Variants in SF3B3 observed in about 807,000 individuals in gnomAD.
SF3B3 encodes the protein SAP 130.
Under a neutral mutation model 139.2 loss-of-function variants are expected in SF3B3, and 33 were observed. The observed-to-expected ratio is 0.24, with a 90% CI of 0.18 to 0.32. The LOEUF (loss-of-function observed/expected upper bound fraction) is 0.32, where lower values mean the gene tolerates loss of function less well. Among genes scored for constraint, SF3B3 ranks in the 10% least tolerant of loss-of-function variants. The probability of loss-of-function intolerance (pLI) is 1.00; values close to 1 mark genes in which losing one functional copy is unlikely to be tolerated. For synonymous variants in SF3B3, 596 were observed against 563.6 expected (o/e 1.06, Z -0.81); for missense variants, 818 against 1,509.4 (o/e 0.54, Z 7.59).
intron 3 of SF3B3, 164 bp downstream of exon 3, chr16:70,529,363 C>T: frequency 1.7e-6 from 1 of 593,790 alleles, no homozygotes; most frequent in South Asian, 2.3e-5. Flanking sequence ...GTTGCATTTT[C>T]TTTTAAAACA....
intron 24 of SF3B3, 39 bp from the exon 25 acceptor site, chr16:70,571,056 A>G: frequency 7.0e-7 from 1 of 1,422,498 alleles, no homozygotes; most frequent in Non-Finnish European, 9.9e-7. Context: ...ACTAGTTGAA[A>G]TCACTTCTCA....
In SF3B3 at chr16:70,523,915, C is replaced by G. The variant is rs1216398002; in HGVS notation, c.-84C>G. 8.6e-6 allele frequency: 4 copies of G among 463,344 alleles called. No homozygotes were observed. The highest frequency in any genetic ancestry group is 3.9e-5 in the Admixed American group (1 of 25,354). 28.7% of individuals were successfully genotyped at this position (463,344 alleles called of 1,614,324 possible). ...GCATCCGTTGGATATCCACACCATCCTTCTCGCTGCAGGGTAAAAAAACAG... is the reference window on the plus strand; with the variant it reads ...GCATCCGTTGGATATCCACACCATCGTTCTCGCTGCAGGGTAAAAAAACAG... On this transcript the variant is annotated 5_prime_UTR_variant, in exon 1 of 26. Coordinates refer to ENST00000302516, the MANE Select transcript of SF3B3 (RefSeq NM_012426.5).
At chr16:70,539,259 C>A in intron 8 of SF3B3, 52 bp downstream of exon 8, 1 of 1,359,414 alleles carries the variant, frequency 7.4e-7, no homozygotes, top group Non-Finnish European at 1.1e-6. Flanking sequence ...TAAAAGTTGG[C>A]AGCAGAAGCT....
At chr16:70,547,708 C>T (rs11867016) in intron 10 of SF3B3, among the ~76,000 whole-genome samples, 1 of 152,254 alleles carries the variant, frequency 6.6e-6, no homozygotes, top group Admixed American at 6.5e-5. Flanking sequence ...ATTCTCCCGC[C>T]TCAGCCTCCC....
intron 6 of SF3B3, chr16:70,538,081 A>G (rs1192373484): frequency 4.5e-6 from 3 of 672,346 alleles, no homozygotes; most frequent in South Asian, 4.1e-5. Context: ...TTTTTGCCTT[A>G]TGAATCTGAT....
At chr16:70,550,885 G>A (rs377752785) in intron 11 of SF3B3, among the ~76,000 whole-genome samples, 23 of 152,334 alleles carry the variant, frequency 1.5e-4, no homozygotes, top group African/African-American at 4.6e-4. Flanking sequence ...TCCTCCCACA[G>A]AATTTGTCAT....
chr16:70,548,674 C>T (rs1256271659), intron 11 of SF3B3, among the ~76,000 whole-genome samples: 1 of 152,138 alleles, frequency 6.6e-6, no homozygotes, highest in East Asian at 1.9e-4. Context: ...TATTTTAGTA[C>T]ATAAAGGTTT....
intron 14 of SF3B3, chr16:70,556,604 T>G (rs2050381621): frequency 1.7e-6 from 1 of 597,416 alleles, no homozygotes; most frequent in Admixed American, 3.0e-5. Context: ...CTGCATAAAT[T>G]TGACTTGCTG....
At chr16:70,566,435 G>A (rs1245124491) in intron 20 of SF3B3, among the ~76,000 whole-genome samples, 1 of 151,312 alleles carries the variant, frequency 6.6e-6, no homozygotes, top group Non-Finnish European at 1.5e-5. Context: ...GGTGGTGGGC[G>A]CCTGTAACCC....
At chr16:70,539,053 C>A in intron 7 of SF3B3, 51 bp from the exon 8 acceptor site, 1 of 1,265,330 alleles carries the variant, frequency 7.9e-7, no homozygotes, top group Non-Finnish European at 1.2e-6. Context: ...TCTTATAATA[C>A]GGGGCTCACT....
intron 20 of SF3B3, chr16:70,565,756 A>G (rs150768503): frequency 1.0e-5 from 5 of 490,896 alleles, no homozygotes; most frequent in African/African-American, 3.8e-5. Context: ...TGCACATTCA[A>G]TTGGTCTCTT....
chr16:70,528,610 C>A (rs1478843514), intron 2 of SF3B3, among the ~76,000 whole-genome samples: 1 of 151,896 alleles, frequency 6.6e-6, no homozygotes, highest in Non-Finnish European at 1.5e-5. Flanking sequence ...GAGGCACAGG[C>A]CATCACACCT....
In SF3B3 at chr16:70,575,972, T is replaced by G. The variant is rs1167477471; in HGVS notation, c.*4159T>G. ...GGTTCATGCCTGGTAATCCCAGCAC[T>G]TTGGGCGGCCAGAGGCAGGCAGATT... On this transcript the variant is annotated 3_prime_UTR_variant, in exon 26 of 26. Coordinates refer to ENST00000302516, the MANE Select transcript of SF3B3 (RefSeq NM_012426.5). The G allele has an allele frequency of 6.6e-6, 1 of 152,214 alleles. No individual in the cohort carries two copies. Among genetic ancestry groups the G allele is most frequent in the Admixed American group, 6.5e-5 (1 of 15,276 alleles). 9.4% of individuals were successfully genotyped at this position (152,214 alleles called of 1,614,324 possible).
In SF3B3 at chr16:70,532,357, C is replaced by CAAAAAAAA. The variant is rs10524385; in HGVS notation, c.571-119_571-112dup. ...GTGACATAGTGAGAACCTGTCTCTC[C>CAAAAAAAA]AAAAAAAAAAGAAGACATTTGTGGA... is the stretch of plus-strand genomic sequence containing the variant. On this transcript the variant is annotated intron_variant, in intron 4 of 25. Transcript: ENST00000302516. 7.4e-3 allele frequency: 3,824 copies of CAAAAAAAA among 519,466 alleles called. 79 individuals carry two copies. The highest frequency in any genetic ancestry group is 0.016 in the South Asian group (640 of 38,808). The allele number at this position is 519,466 out of a possible 1,614,324, so 32.2% of individuals were successfully genotyped here. A position where few individuals can be genotyped will look rare whatever the true frequency, so the allele number is the denominator to read the frequency against.
intron 1 of SF3B3, among the ~76,000 whole-genome samples, chr16:70,526,236 C>G (rs1467498613): frequency 6.6e-6 from 1 of 151,656 alleles, no homozygotes; most frequent in Non-Finnish European, 1.5e-5. Context: ...GAGATGAGGT[C>G]TCATTCTGTC....
chr16:70,546,952 C>G (rs1047231407), intron 10 of SF3B3, among the ~76,000 whole-genome samples: 5 of 151,104 alleles, frequency 3.3e-5, no homozygotes, highest in African/African-American at 1.2e-4. Context: ...GGCGTGAACC[C>G]GGGAGGTGGA....
intron 2 of SF3B3, among the ~76,000 whole-genome samples, chr16:70,528,022 A>G (rs985033416): frequency 2.0e-5 from 3 of 151,966 alleles, no homozygotes; most frequent in Admixed American, 2.0e-4. Flanking sequence ...TGATCCACCC[A>G]CCTTAGCCTC....
chr16:70,533,395 G>A (rs892436749), intron 5 of SF3B3, among the ~76,000 whole-genome samples: 1 of 152,130 alleles, frequency 6.6e-6, no homozygotes, highest in African/African-American at 2.4e-5. Context: ...AAATGCTACT[G>A]TGCCGCTCTC....
intron 11 of SF3B3, among the ~76,000 whole-genome samples, chr16:70,549,750 C>T (rs906820308): frequency 1.3e-4 from 20 of 152,138 alleles, no homozygotes; most frequent in African/African-American, 4.6e-4. Flanking sequence ...CATGGTGAAA[C>T]CCCATCTCTA....
Sources: allele counts gnomAD v4.1 joint callset (sites outside exome capture counted in the v4.1 genomes callset), GRCh38; gene constraint gnomAD v4.1.1; transcripts MANE v1.5; gene names NCBI Gene and HGNC (gene_info 2026-07-23, HGNC 2026-07-21).